Variants in ZNF407 observed in about 807,000 individuals in gnomAD.
The protein encoded by ZNF407 is zinc finger protein 407.
ZNF407 carries 17 observed loss-of-function variants against 131.2 expected under a neutral mutation model. The ratio of observed to expected loss-of-function variants is 0.13; its 90% CI spans 0.09 to 0.19. The LOEUF (loss-of-function observed/expected upper bound fraction) is 0.19. Among genes scored for constraint, ZNF407 ranks in the 10% least tolerant of loss-of-function variants. The pLI is 1.00. For missense variants in ZNF407, 2,681 were observed against 2,830.6 expected, an observed-to-expected ratio of 0.95 and a Z score of 1.20; for synonymous variants, 1,156 against 1,062.0, an observed-to-expected ratio of 1.09 and a Z score of -1.72.
intron 3 of ZNF407, among the ~76,000 whole-genome samples, chr18:74,661,395 T>G (rs991192444): frequency 1.3e-5 from 2 of 148,174 alleles, no homozygotes; most frequent in African/African-American, 2.4e-5. Flanking sequence ...TATATATATA[T>G]AATATATTTA....
At chr18:74,947,747 G>A (rs1323576799) in intron 8 of ZNF407, among the ~76,000 whole-genome samples, 2 of 152,176 alleles carry the variant, frequency 1.3e-5, no homozygotes, top group African/African-American at 4.8e-5. Flanking sequence ...GGCAGGACCT[G>A]TGCGTGTAGC....
intron 3 of ZNF407, among the ~76,000 whole-genome samples, chr18:74,721,923 A>G (rs1379199951): frequency 1.3e-5 from 2 of 152,112 alleles, no homozygotes; most frequent in Admixed American, 6.5e-5. Context: ...TGACCGTGTT[A>G]TTCTTCTGAC....
At chr18:74,722,362 T>G (rs1968059240) in intron 3 of ZNF407, among the ~76,000 whole-genome samples, 1 of 152,210 alleles carries the variant, frequency 6.6e-6, no homozygotes. Flanking sequence ...AGATCCTCTC[T>G]AGTTGTCTTA....
intron 3 of ZNF407, among the ~76,000 whole-genome samples, chr18:74,688,298 G>C (rs1319787064): frequency 6.6e-6 from 1 of 152,130 alleles, no homozygotes; most frequent in African/African-American, 2.4e-5. Context: ...CAAATAAATT[G>C]TAAATAAAAG....
intron 8 of ZNF407, among the ~76,000 whole-genome samples, chr18:74,984,439 A>G (rs1476201765): frequency 6.6e-6 from 1 of 152,210 alleles, no homozygotes; most frequent in Admixed American, 6.5e-5. Context: ...AATATATGAC[A>G]TATTGGTTTT....
intron 4 of ZNF407, among the ~76,000 whole-genome samples, chr18:74,834,017 A>AT (rs1970522121): frequency 6.6e-6 from 1 of 152,110 alleles, no homozygotes; most frequent in African/African-American, 2.4e-5. Context: ...TAATTTTCTG[A>AT]TTTTTCTGAA....
rs116583887 is a variant in ZNF407 at position 74,604,175 on chromosome 18, G to T, written c.-54+6238G>T. Reference sequence around the variant, plus strand: ...ATAAGAGAGGTCACCTCCTCACAAAGTACAAGGTTTGATTCCATTGTAGCT... The same window carrying T: ...ATAAGAGAGGTCACCTCCTCACAAATTACAAGGTTTGATTCCATTGTAGCT... On this transcript the variant is annotated intron_variant, in intron 1 of 8. Coordinates refer to ENST00000299687, the MANE Select transcript of ZNF407 (RefSeq NM_017757.3). 4.0e-3 allele frequency among the ~76,000 whole-genome samples: 608 copies of T among 152,300 alleles called. 4 individuals are homozygous for T. Among genetic ancestry groups the T allele is most frequent in the African/African-American group, 0.014 (571 of 41,570 alleles).
chr18:74,855,064 T>G (rs962571216), intron 4 of ZNF407, among the ~76,000 whole-genome samples: 1 of 152,226 alleles, frequency 6.6e-6, no homozygotes, highest in Non-Finnish European at 1.5e-5. Flanking sequence ...CTTTGGAAAC[T>G]TATTCTGTTA....
At chr18:74,768,579 G>A (rs1969293403) in intron 3 of ZNF407, among the ~76,000 whole-genome samples, 1 of 152,098 alleles carries the variant, frequency 6.6e-6, no homozygotes, top group Non-Finnish European at 1.5e-5. Context: ...TTTATTAATA[G>A]CCATAATTCT....
chr18:74,872,495 G>A (rs1170138907), intron 4 of ZNF407, among the ~76,000 whole-genome samples: 1 of 151,818 alleles, frequency 6.6e-6, no homozygotes, highest in African/African-American at 2.4e-5. Context: ...TGGGCACGGC[G>A]GCTCACACCT....
intron 4 of ZNF407, among the ~76,000 whole-genome samples, chr18:74,787,801 C>A (rs956479608): frequency 6.6e-6 from 1 of 152,190 alleles, no homozygotes; most frequent in African/African-American, 2.4e-5. Flanking sequence ...TAAATTGACT[C>A]CGCTCATTTA....
chr18:74,711,779 C>T (rs1002096597), intron 3 of ZNF407, among the ~76,000 whole-genome samples: 9 of 152,138 alleles, frequency 5.9e-5, no homozygotes, highest in Non-Finnish European at 1.0e-4. Flanking sequence ...GGCATGATCT[C>T]AGCTCACTGC....
intron 8 of ZNF407, among the ~76,000 whole-genome samples, chr18:74,986,172 G>A (rs533286631): frequency 2.2e-4 from 34 of 151,682 alleles, no homozygotes; most frequent in African/African-American, 5.1e-4. Flanking sequence ...GACAGACTTC[G>A]GCATACAAAC....
intron 3 of ZNF407, among the ~76,000 whole-genome samples, chr18:74,689,319 G>A: frequency 6.6e-6 from 1 of 152,178 alleles, no homozygotes; most frequent in East Asian, 1.9e-4. Context: ...TACATGTCAT[G>A]TGACCTTGTG....
At chr18:74,809,024 CT>C (rs1970155649) in intron 4 of ZNF407, among the ~76,000 whole-genome samples, 1 of 152,098 alleles carries the variant, frequency 6.6e-6, no homozygotes, top group African/African-American at 2.4e-5. Flanking sequence ...TAAGAGTGCT[CT>C]TTTTCTTACC....
chr18:74,664,891 A>C (rs1985872302), intron 3 of ZNF407, among the ~76,000 whole-genome samples: 1 of 152,118 alleles, frequency 6.6e-6, no homozygotes, highest in Admixed American at 6.5e-5. Context: ...TTGAGTGCAA[A>C]ATTTCAATTT....
intron 3 of ZNF407, among the ~76,000 whole-genome samples, chr18:74,754,476 G>T (rs1283286795): frequency 6.6e-6 from 1 of 152,038 alleles, no homozygotes; most frequent in Non-Finnish European, 1.5e-5. Flanking sequence ...GCTTTCTCTT[G>T]TGGGCATTTA....
chr18:74,989,644 C>A (rs1972695000), intron 8 of ZNF407, among the ~76,000 whole-genome samples: 2 of 152,160 alleles, frequency 1.3e-5, no homozygotes, highest in South Asian at 2.1e-4. Context: ...GAGTTCGACA[C>A]CAACCTGGCC....
chr18:74,860,260 G>A (rs1403158391), intron 4 of ZNF407, among the ~76,000 whole-genome samples: 1 of 151,770 alleles, frequency 6.6e-6, no homozygotes, highest in East Asian at 1.9e-4. Context: ...TTACACCATC[G>A]CACTCTAGCC....
Sources: allele counts gnomAD v4.1 joint callset (sites outside exome capture counted in the v4.1 genomes callset), GRCh38; gene constraint gnomAD v4.1.1; transcripts MANE v1.5; gene names NCBI Gene and HGNC (gene_info 2026-07-23, HGNC 2026-07-21).